The following PITRM1 variants were observed in gnomAD, a reference collection of about 807,000 sequenced individuals.
PITRM1 encodes pitrilysin metallopeptidase 1.
Under a neutral mutation model 129.9 loss-of-function variants are expected in PITRM1, and 100 were observed. The observed-to-expected ratio is 0.77, with a 90% CI of 0.65 to 0.91. The LOEUF is 0.91. Among genes scored for constraint, PITRM1 ranks in the 40% least tolerant of loss-of-function variants. The probability of loss-of-function intolerance (pLI) is 0.00; values close to 1 mark genes in which losing one functional copy is unlikely to be tolerated. For missense variants in PITRM1, 1,471 were observed against 1,318.3 expected, an observed-to-expected ratio of 1.12 and a Z score of -1.79; for synonymous variants, 591 against 508.8, an observed-to-expected ratio of 1.16 and a Z score of -2.17.
At chr10:3,147,392 G>T in intron 19 of PITRM1, 142 bp from the exon 20 acceptor site, 4 of 930,120 alleles carry the variant, frequency 4.3e-6, no homozygotes, top group Non-Finnish European at 6.8e-6. Flanking sequence ...GCTGGAACTG[G>T]GATGCAGGGT....
In PITRM1 at chr10:3,159,921, T is replaced by C; in HGVS notation, c.934A>G (p.Thr312Ala). The C allele has an allele frequency of 1.9e-6, 3 of 1,598,920 alleles. No individual in the cohort carries two copies. The highest frequency in any genetic ancestry group is 2.6e-6 in the Non-Finnish European group (3 of 1,171,254). The change falls in exon 9 of 27, where the codon ACA becomes GCA. Residue 312 changes from threonine to alanine, a missense_variant. Coordinates refer to ENST00000224949, the MANE Select transcript of PITRM1 (RefSeq NM_014889.4). Reference protein sequence around the residue: ...PWDKPREFQITCGPDSFATDP... With the variant: ...PWDKPREFQIACGPDSFATDP... ...GTAGCAAATGAATCCGGGCCACATG[T>C]TATCTGGAATTCCCTCTGTAAAATG...
intron 19 of PITRM1, 22 bp from the exon 20 acceptor site, chr10:3,147,272 CAGAG>C (rs772426536): frequency 3.1e-5 from 46 of 1,501,636 alleles, no homozygotes; most frequent in Non-Finnish European, 3.7e-5. Context: ...GAAACTCGCT[CAGAG>C]AGAGGCAGAG....
chr10:3,169,264 T>C (rs1341659603), intron 2 of PITRM1, among the ~76,000 whole-genome samples: 1 of 152,228 alleles, frequency 6.6e-6, no homozygotes, highest in East Asian at 1.9e-4. Flanking sequence ...GTCCCATGCC[T>C]GGACCTTGTC....
chr10:3,172,794 T>C (rs1410790109), upstream of PITRM1: 2 of 1,483,270 alleles, frequency 1.3e-6, no homozygotes, highest in South Asian at 1.2e-5. Flanking sequence ...AGCACCTGGC[T>C]GGCGAGGAAC....
chr10:3,169,986 G>T, intron 2 of PITRM1, 118 bp downstream of exon 2: 1 of 663,760 alleles, frequency 1.5e-6, no homozygotes, highest in Non-Finnish European at 2.6e-6. Flanking sequence ...CTGGGCCAGG[G>T]CCTTGGGACA....
intron 23 of PITRM1, 164 bp downstream of exon 23, chr10:3,143,225 G>A: frequency 3.3e-6 from 2 of 601,850 alleles, no homozygotes; most frequent in East Asian, 2.8e-5. Flanking sequence ...CACAAAGACT[G>A]CTGGTTAAAG....
chr10:3,138,384 G>C (rs753061239), intron 25 of PITRM1, 47 bp from the exon 26 acceptor site: 48 of 1,292,188 alleles, frequency 3.7e-5, no homozygotes, highest in Non-Finnish European at 4.9e-5. Context: ...CCGGGAGCTC[G>C]CGTTGTGGGC....
Position 3,162,158 on chromosome 10 carries a change from T to A in PITRM1, c.791+1567A>T, listed in dbSNP as rs12357637. Among the ~76,000 whole-genome samples, 609 of 61,128 alleles carry A rather than the reference T, an allele frequency of 1.0e-2. 144 individuals are homozygous for A. Among genetic ancestry groups the A allele is most frequent in the Middle Eastern group, 0.022 (3 of 136 alleles). The allele number at this position is 61,128 out of a possible 152,430, so 40.1% of individuals were successfully genotyped here. A position where few individuals can be genotyped will look rare whatever the true frequency, so the allele number is the denominator to read the frequency against. On this transcript the variant is annotated intron_variant, in intron 7 of 26. Coordinates refer to ENST00000224949, the MANE Select transcript of PITRM1 (RefSeq NM_014889.4). ...GGGGGACAGAACCAGACCCTGTCTT[T>A]AAAAAAAAAAAAAAAAAAAAACAAG...
chr10:3,140,864 G>C, intron 23 of PITRM1, 52 bp from the exon 24 acceptor site: 1 of 1,397,490 alleles, frequency 7.2e-7, no homozygotes, highest in Non-Finnish European at 9.9e-7. Context: ...AAAAAGCATA[G>C]ACAATGAAGT....
Position 3,145,359 on chromosome 10 carries a change from G to A in PITRM1, c.2457+237C>T. The A allele has an allele frequency of 1.0e-5, 5 of 502,012 alleles. No homozygotes were observed. In the South Asian group the frequency reaches 1.5e-4, roughly 15 times the overall value. The allele number at this position is 502,012 out of a possible 1,614,324, so 31.1% of individuals were successfully genotyped here. A position where few individuals can be genotyped will look rare whatever the true frequency, so the allele number is the denominator to read the frequency against. Reference sequence around the variant, plus strand: ...TTTCCTATCAGACTACTCACTGCAAGGCACAGAAGTGAGCGCGGGATCTAA... The same window carrying A: ...TTTCCTATCAGACTACTCACTGCAAAGCACAGAAGTGAGCGCGGGATCTAA... On this transcript the variant is annotated intron_variant, in intron 21 of 26. Transcript: ENST00000224949.
At chr10:3,159,471 CA>C (rs1483394948) in intron 9 of PITRM1, among the ~76,000 whole-genome samples, 1 of 152,182 alleles carries the variant, frequency 6.6e-6, no homozygotes, top group Non-Finnish European at 1.5e-5. Flanking sequence ...ACCGGAATTA[CA>C]AAGTTTTGTA....
chr10:3,156,428 C>T (rs1172227794), intron 13 of PITRM1, among the ~76,000 whole-genome samples: 2 of 152,192 alleles, frequency 1.3e-5, no homozygotes, highest in Non-Finnish European at 2.9e-5. Context: ...ACAATGGAAC[C>T]TACTGGAGAG....
chr10:3,151,467 C>T (rs568014966), intron 14 of PITRM1, 104 bp from the exon 15 acceptor site: 28 of 730,092 alleles, frequency 3.8e-5, no homozygotes, highest in African/African-American at 2.8e-4. Flanking sequence ...TAGCCGTCCA[C>T]GCCAAGTGTG....
At chr10:3,165,084 C>A in intron 6 of PITRM1, 154 bp downstream of exon 6, 1 of 661,192 alleles carries the variant, frequency 1.5e-6, no homozygotes, top group Non-Finnish European at 2.5e-6. Flanking sequence ...GCCCTGCTAC[C>A]CCGACTTCTG....
intron 2 of PITRM1, 115 bp from the exon 3 acceptor site, chr10:3,167,157 G>A (rs1186489283): frequency 3.2e-6 from 2 of 631,114 alleles, no homozygotes; most frequent in Non-Finnish European, 5.6e-6. Context: ...ATGATGCCGG[G>A]AAGGCAGTAT....
intron 21 of PITRM1, chr10:3,145,289 C>T (rs768932216): frequency 3.1e-4 from 103 of 330,440 alleles, no homozygotes; most frequent in Non-Finnish European, 1.4e-4. Context: ...CTTCAGGCTA[C>T]GGTTTGGGCC....
intron 4 of PITRM1, 138 bp downstream of exon 4, chr10:3,166,091 C>A: frequency 1.6e-6 from 1 of 628,422 alleles, no homozygotes; most frequent in South Asian, 2.7e-5. Context: ...TTCTAATGTC[C>A]TTCAACTAGA....
At chr10:3,141,728 A>G (rs1375332583) in intron 23 of PITRM1, 1 of 461,742 alleles carries the variant, frequency 2.2e-6, no homozygotes, top group Non-Finnish European at 4.5e-6. Context: ...TTCCACAGAC[A>G]GGCCTTTTCC....
chr10:3,140,570 AC>A, intron 24 of PITRM1, 116 bp downstream of exon 24: 1 of 942,612 alleles, frequency 1.1e-6, no homozygotes, highest in African/African-American at 1.6e-5. Context: ...GAAAAGAAGC[AC>A]ACAGAACAAC....
Sources: gnomAD v4.1 joint callset for allele counts (sites outside exome capture counted in the v4.1 genomes callset) on GRCh38, gnomAD v4.1.1 for gene constraint, MANE v1.5 for transcripts, NCBI Gene and HGNC (gene_info 2026-07-23, HGNC 2026-07-21) for gene names.